ALCAM: variants seen among roughly 807,000 people sequenced by gnomAD.
ALCAM encodes the protein activated leukocyte cell adhesion molecule.
ALCAM carries 30 observed loss-of-function variants against 70.9 expected under a neutral mutation model. That is an observed-to-expected ratio of 0.42 (90% CI 0.32 to 0.57). The LOEUF (loss-of-function observed/expected upper bound fraction) is 0.57, where lower values mean the gene tolerates loss of function less well. ALCAM is among the 20% of genes least tolerant of loss of function. ALCAM has a pLI of 0.11. For synonymous variants in ALCAM, 249 were observed against 242.5 expected (o/e 1.03, Z -0.25); for missense variants, 591 against 695.1 (o/e 0.85, Z 1.68).
intron 1 of ALCAM, among the ~76,000 whole-genome samples, chr3:105,484,306 ATATT>A (rs1035632477): frequency 1.3e-5 from 2 of 149,452 alleles, no homozygotes; most frequent in African/African-American, 2.4e-5. Flanking sequence ...TTATATATAT[ATATT>A]TATTTATATA....
chr3:105,550,729 G>C (rs919894363), intron 12 of ALCAM, among the ~76,000 whole-genome samples: 9 of 151,464 alleles, frequency 5.9e-5, no homozygotes, highest in Admixed American at 4.6e-4. Context: ...AAGTCATTTA[G>C]TAAACTAGCA....
At position 105,447,518 on chromosome 3, in the gene ALCAM, G is replaced by T. The variant is rs547346433; in HGVS notation, c.74-72549G>T. Among the ~76,000 whole-genome samples, 11 of 152,266 alleles carry T rather than the reference G, an allele frequency of 7.2e-5. No homozygotes were observed. In the East Asian group the frequency reaches 2.1e-3, roughly 29 times the overall value. ...GCTTGAGACCAGCCTAGGCAACATA[G>T]GGACATGCCATCTCTACCAAGAAAT... is the stretch of plus-strand genomic sequence containing the variant. On this transcript the variant is annotated intron_variant, in intron 1 of 15. Transcript: ENST00000306107.
At chr3:105,422,905 A>T (rs1221003641) in intron 1 of ALCAM, among the ~76,000 whole-genome samples, 1 of 151,486 alleles carries the variant, frequency 6.6e-6, no homozygotes, top group Middle Eastern at 3.2e-3. Flanking sequence ...AAATGATTAC[A>T]CTCATAACTA....
intron 1 of ALCAM, among the ~76,000 whole-genome samples, chr3:105,452,036 C>T (rs1056410225): frequency 6.6e-6 from 1 of 152,070 alleles, no homozygotes; most frequent in Non-Finnish European, 1.5e-5. Context: ...TTTACCTTCA[C>T]AGTTTCTTAA....
intron 3 of ALCAM, among the ~76,000 whole-genome samples, chr3:105,529,975 T>C (rs913382116): frequency 4.6e-5 from 7 of 152,156 alleles, no homozygotes; most frequent in Non-Finnish European, 1.0e-4. Flanking sequence ...AACCTAAATT[T>C]ATGGGGAGAA....
intron 1 of ALCAM, among the ~76,000 whole-genome samples, chr3:105,396,587 C>T (rs529059730): frequency 1.5e-4 from 23 of 152,134 alleles, no homozygotes; most frequent in African/African-American, 5.5e-4. Flanking sequence ...GAATTAATTT[C>T]TAGTAGATTT....
At chr3:105,442,049 C>A (rs1005317802) in intron 1 of ALCAM, among the ~76,000 whole-genome samples, 7 of 152,174 alleles carry the variant, frequency 4.6e-5, no homozygotes, top group Admixed American at 2.0e-4. Context: ...ATGCACACCA[C>A]TACATATTAT....
intron 1 of ALCAM, among the ~76,000 whole-genome samples, chr3:105,424,425 A>G (rs1038112612): frequency 1.3e-5 from 2 of 151,728 alleles, no homozygotes; most frequent in African/African-American, 2.4e-5. Flanking sequence ...CATTGATGAC[A>G]GGACATTTCA....
intron 1 of ALCAM, among the ~76,000 whole-genome samples, chr3:105,394,814 C>G (rs1249845267): frequency 6.6e-6 from 1 of 151,898 alleles, no homozygotes; most frequent in East Asian, 1.9e-4. Context: ...GCATGGCAAA[C>G]CAATGACTAT....
At chr3:105,447,643 A>T (rs984127407) in intron 1 of ALCAM, among the ~76,000 whole-genome samples, 6 of 152,176 alleles carry the variant, frequency 3.9e-5, no homozygotes, top group Admixed American at 3.3e-4. Context: ...AGCCAGGGAG[A>T]TCGAGCTGCA....
At chr3:105,468,592 C>A (rs1033293271) in intron 1 of ALCAM, among the ~76,000 whole-genome samples, 1 of 151,256 alleles carries the variant, frequency 6.6e-6, no homozygotes, top group African/African-American at 2.4e-5. Context: ...CCCTGGTTGG[C>A]AGTACATGTA....
rs182763782 is a variant in ALCAM at position 105,520,078 on chromosome 3, T to C, written c.85T>C (p.Tyr29His). The C allele has an allele frequency of 1.2e-6, 2 of 1,608,340 alleles. No individual in the cohort carries two copies. Among genetic ancestry groups the C allele is most frequent in the East Asian group, 2.2e-5 (1 of 44,716 alleles). ...ATVFRPGLGWYTVNSAYGDTI... is the reference protein window; with the variant it reads ...ATVFRPGLGWHTVNSAYGDTI... ...TTTTTCCCCCAAAGGCCTTGGATGG[T>C]ATACTGTAAATTCAGCATATGGAGA... Residue 29 changes from tyrosine (Y) to histidine (H), a missense_variant, in exon 2 of 16, where the codon TAT becomes CAT. Around this residue, in one of 2 missense-constraint regions of ALCAM, gnomAD observed 427 missense variants for 450.4 expected, o/e 0.95. Transcript: ENST00000306107.
intron 1 of ALCAM, among the ~76,000 whole-genome samples, chr3:105,459,854 G>A (rs1457090700): frequency 6.6e-6 from 1 of 151,956 alleles, no homozygotes; most frequent in Non-Finnish European, 1.5e-5. Flanking sequence ...CTCTCTTCTG[G>A]TTTCTTACCC....
chr3:105,539,528 T>C (rs1434259796), intron 6 of ALCAM, among the ~76,000 whole-genome samples: 1 of 152,068 alleles, frequency 6.6e-6, no homozygotes, highest in East Asian at 1.9e-4. Flanking sequence ...TGTCTCCTCT[T>C]TTTATTTCAT....
intron 4 of ALCAM, 126 bp from the exon 5 acceptor site, chr3:105,533,477 C>T: frequency 3.3e-6 from 2 of 603,180 alleles, no homozygotes; most frequent in Non-Finnish European, 2.9e-6. Flanking sequence ...AGTCTTTGGT[C>T]AGTGTTGGAA....
intron 7 of ALCAM, among the ~76,000 whole-genome samples, chr3:105,540,975 G>C (rs1940100978): frequency 6.6e-6 from 1 of 151,924 alleles, no homozygotes; most frequent in African/African-American, 2.4e-5. Context: ...AACTAATTAG[G>C]TTTCTGCTTT....
chr3:105,399,313 T>G (rs1936029621), intron 1 of ALCAM, among the ~76,000 whole-genome samples: 1 of 152,232 alleles, frequency 6.6e-6, no homozygotes, highest in Middle Eastern at 3.4e-3. Flanking sequence ...GCCTGTTACC[T>G]TTCTAAAAGC....
chr3:105,563,099 C>A (rs1332363880), intron 14 of ALCAM, among the ~76,000 whole-genome samples: 1 of 151,884 alleles, frequency 6.6e-6, no homozygotes, highest in African/African-American at 2.4e-5. Context: ...AGTCACAGCA[C>A]CCAGCCAAAT....
intron 14 of ALCAM, among the ~76,000 whole-genome samples, chr3:105,564,497 C>CT (rs1208969369): frequency 6.6e-6 from 1 of 152,178 alleles, no homozygotes; most frequent in African/African-American, 2.4e-5. Flanking sequence ...CACTTTCATT[C>CT]TGAAAAACCT....
Sources: gnomAD v4.1 joint callset for allele counts (sites outside exome capture counted in the v4.1 genomes callset) on GRCh38, gnomAD v4.1.1 for gene constraint, gnomAD v4.1.1 regional missense constraint, MANE v1.5 for transcripts, NCBI Gene and HGNC (gene_info 2026-07-23, HGNC 2026-07-21) for gene names.